Variants in DPP10 observed in about 807,000 individuals in gnomAD.
DPP10 encodes the protein dipeptidyl peptidase like 10, also known as inactive dipeptidyl peptidase 10.
DPP10 carries 33 observed loss-of-function variants against 120.9 expected under a neutral mutation model. The observed-to-expected ratio is 0.27, with a 90% CI of 0.21 to 0.37. The LOEUF (loss-of-function observed/expected upper bound fraction) is 0.37. Ranked by LOEUF, DPP10 falls within the 10% of genes least tolerant of loss-of-function variation. The pLI is 1.00. For synonymous variants in DPP10, 337 were observed against 326.1 expected (o/e 1.03, Z -0.36); for missense variants, 816 against 942.8 (o/e 0.87, Z 1.76).
rs186589496 is a variant in DPP10 at position 115,255,828 on chromosome 2, C to G, written c.61-53411C>G. Among the ~76,000 whole-genome samples, 65 of 152,322 alleles carry G rather than the reference C, an allele frequency of 4.3e-4. No individual in the cohort carries two copies. The East Asian group carries it at 0.012, about 27-fold the overall frequency. ...TCAGATTTTGGTCAAAACCATTCAA[C>G]AAGTCTCTAGAAAGTTCCAAACCTT... On this transcript the variant is annotated intron_variant, in intron 1 of 25. Coordinates refer to ENST00000410059, the MANE Select transcript of DPP10 (RefSeq NM_020868.6).
intron 1 of DPP10, among the ~76,000 whole-genome samples, chr2:115,059,694 A>AAAAC (rs1706240828): frequency 6.6e-6 from 1 of 151,092 alleles, no homozygotes; most frequent in African/African-American, 2.4e-5. Context: ...GGAAAAAAAA[A>AAAAC]AAAAAAAAAG....
At chr2:115,806,911 G>C (rs941997177) in intron 19 of DPP10, among the ~76,000 whole-genome samples, 1 of 151,978 alleles carries the variant, frequency 6.6e-6, no homozygotes, top group Non-Finnish European at 1.5e-5. Flanking sequence ...TGGACCTGCT[G>C]CATAGGAGAG....
intron 1 of DPP10, among the ~76,000 whole-genome samples, chr2:115,206,164 C>T (rs1380426021): frequency 6.6e-6 from 1 of 152,158 alleles, no homozygotes; most frequent in East Asian, 1.9e-4. Context: ...TATGAACATA[C>T]ACCTATTTCC....
intron 1 of DPP10, among the ~76,000 whole-genome samples, chr2:114,454,477 G>T (rs1338073997): frequency 6.6e-6 from 1 of 152,180 alleles, no homozygotes; most frequent in African/African-American, 2.4e-5. Context: ...TGAGCTGACT[G>T]CTCATGCTTT....
chr2:115,617,959 A>G (rs1463195819), intron 5 of DPP10, among the ~76,000 whole-genome samples: 1 of 152,218 alleles, frequency 6.6e-6, no homozygotes, highest in Non-Finnish European at 1.5e-5. Flanking sequence ...ATTTTATTGT[A>G]CTTTACTCAC....
intron 7 of DPP10, among the ~76,000 whole-genome samples, chr2:115,699,874 T>TA (rs2091808190): frequency 6.6e-6 from 1 of 152,206 alleles, no homozygotes; most frequent in Admixed American, 6.5e-5. Context: ...ATTCAATATA[T>TA]AAAAAACTGA....
chr2:115,779,751 G>A (rs1404162434), intron 15 of DPP10, among the ~76,000 whole-genome samples: 1 of 151,894 alleles, frequency 6.6e-6, no homozygotes, highest in Admixed American at 6.6e-5. Context: ...AATGACAAAT[G>A]TTATGTTATA....
chr2:114,949,358 G>C (rs1335599467), intron 1 of DPP10, among the ~76,000 whole-genome samples: 1 of 152,150 alleles, frequency 6.6e-6, no homozygotes, highest in Non-Finnish European at 1.5e-5. Context: ...TACAATTCGA[G>C]ATGAGATTTG....
chr2:115,740,378 A>T (rs1347783537), intron 9 of DPP10, among the ~76,000 whole-genome samples: 1 of 152,184 alleles, frequency 6.6e-6, no homozygotes, highest in Admixed American at 6.6e-5. Context: ...TAAAAAATAG[A>T]CTATGCATAA....
At chr2:115,521,144 A>G (rs528827083) in intron 4 of DPP10, among the ~76,000 whole-genome samples, 1 of 152,316 alleles carries the variant, frequency 6.6e-6, no homozygotes, top group South Asian at 2.1e-4. Context: ...GCAAGTAGAG[A>G]AAGTTGAACA....
At chr2:115,018,449 A>G (rs1384540243) in intron 1 of DPP10, among the ~76,000 whole-genome samples, 1 of 152,234 alleles carries the variant, frequency 6.6e-6, no homozygotes, top group African/African-American at 2.4e-5. Flanking sequence ...CAGACTTGGA[A>G]CCAACCCAAA....
intron 1 of DPP10, among the ~76,000 whole-genome samples, chr2:115,042,449 T>A (rs928931304): frequency 2.0e-5 from 3 of 152,138 alleles, no homozygotes; most frequent in African/African-American, 7.2e-5. Flanking sequence ...GTATTTTGAG[T>A]AAAGACAGGT....
chr2:115,282,864 G>A (rs1023316451), intron 1 of DPP10, among the ~76,000 whole-genome samples: 9 of 151,730 alleles, frequency 5.9e-5, no homozygotes, highest in Admixed American at 5.3e-4. Flanking sequence ...CTTAATTTCC[G>A]GTTTGAATAG....
At chr2:114,583,980 CAT>C (rs937832492) in intron 1 of DPP10, among the ~76,000 whole-genome samples, 1 of 152,040 alleles carries the variant, frequency 6.6e-6, no homozygotes. Flanking sequence ...TGAACACACA[CAT>C]GTATGTTAAG....
At chr2:114,713,457 G>A (rs1156787501) in intron 1 of DPP10, among the ~76,000 whole-genome samples, 2 of 152,006 alleles carry the variant, frequency 1.3e-5, no homozygotes, top group African/African-American at 2.4e-5. Context: ...AAGCCCTATC[G>A]GAAAATAAAA....
intron 1 of DPP10, among the ~76,000 whole-genome samples, chr2:115,237,188 C>T (rs1283014303): frequency 1.3e-5 from 2 of 151,750 alleles, no homozygotes; most frequent in Non-Finnish European, 2.9e-5. Flanking sequence ...CAGTATATGC[C>T]TAATTCATGT....
chr2:115,486,730 A>G (rs1178712089), intron 3 of DPP10, among the ~76,000 whole-genome samples: 2 of 152,156 alleles, frequency 1.3e-5, no homozygotes, highest in African/African-American at 4.8e-5. Context: ...TATATTTAAA[A>G]TTCTAGAGAG....
At chr2:114,617,410 C>T (rs751557181) in intron 1 of DPP10, among the ~76,000 whole-genome samples, 11 of 151,984 alleles carry the variant, frequency 7.2e-5, no homozygotes, top group Non-Finnish European at 1.5e-4. Context: ...AAAACAGATA[C>T]TAAAATTATG....
chr2:115,249,938 A>G (rs187942058), intron 1 of DPP10, among the ~76,000 whole-genome samples: 12 of 152,318 alleles, frequency 7.9e-5, no homozygotes, highest in African/African-American at 2.2e-4. Context: ...AATTATTGCA[A>G]TGGGTGAGTT....
Sources: allele counts gnomAD v4.1 joint callset (sites outside exome capture counted in the v4.1 genomes callset), GRCh38; gene constraint gnomAD v4.1.1; transcripts MANE v1.5; gene names NCBI Gene and HGNC (gene_info 2026-07-23, HGNC 2026-07-21).